Variants in RBFOX1 observed in about 807,000 individuals in gnomAD.
The protein encoded by RBFOX1 is RNA binding protein fox-1 homolog 1.
RBFOX1 carries 8 observed loss-of-function variants against 57.7 expected under a neutral mutation model. The observed-to-expected ratio is 0.14, with a 90% confidence interval of 0.08 to 0.25. The LOEUF (loss-of-function observed/expected upper bound fraction) is 0.25, where lower values mean the gene tolerates loss of function less well. RBFOX1 is among the 10% of genes least tolerant of loss of function. The pLI is 1.00. For synonymous variants in RBFOX1, 326 were observed against 222.4 expected (o/e 1.47, Z -4.15); for missense variants, 611 against 548.5 (o/e 1.11, Z -1.14).
At chr16:6,346,919 A>T (rs942561187) in intron 2 of RBFOX1, among the ~76,000 whole-genome samples, 2 of 152,136 alleles carry the variant, frequency 1.3e-5, no homozygotes, top group African/African-American at 4.8e-5. Context: ...GTGGTGTTCC[A>T]GGAGGATGGG....
At chr16:6,172,437 G>C (rs1350505865) in intron 1 of RBFOX1, among the ~76,000 whole-genome samples, 1 of 152,136 alleles carries the variant, frequency 6.6e-6, no homozygotes, top group Non-Finnish European at 1.5e-5. Flanking sequence ...GGTGTCTGGA[G>C]AGCAGAACCA....
At chr16:5,720,226 G>A (rs2051878059) in intron 3 of RBFOX1, among the ~76,000 whole-genome samples, 1 of 152,082 alleles carries the variant, frequency 6.6e-6, no homozygotes. Flanking sequence ...GGTCTTTTTT[G>A]GAGACATGCC....
intron 3 of RBFOX1, among the ~76,000 whole-genome samples, chr16:5,728,416 C>T (rs779062054): frequency 6.6e-6 from 1 of 152,144 alleles, no homozygotes; most frequent in Non-Finnish European, 1.5e-5. Flanking sequence ...GAAGCATTTG[C>T]ATATTTGAAG....
intron 4 of RBFOX1, among the ~76,000 whole-genome samples, chr16:7,207,244 C>T (rs542073913): frequency 6.6e-6 from 1 of 152,108 alleles, no homozygotes; most frequent in African/African-American, 2.4e-5. Flanking sequence ...ATTGGCCGGG[C>T]GTTATGGGGG....
At chr16:6,815,831 C>G (rs2089947388) in intron 3 of RBFOX1, among the ~76,000 whole-genome samples, 1 of 152,180 alleles carries the variant, frequency 6.6e-6, no homozygotes, top group Non-Finnish European at 1.5e-5. Context: ...AGAGGAAAAG[C>G]TTAATTCTCA....
chr16:7,529,693 T>C (rs1369272994), intron 5 of RBFOX1, among the ~76,000 whole-genome samples: 1 of 152,166 alleles, frequency 6.6e-6, no homozygotes, highest in Non-Finnish European at 1.5e-5. Flanking sequence ...TTACAACTTC[T>C]GACTTAATCT....
intron 2 of RBFOX1, among the ~76,000 whole-genome samples, chr16:5,577,381 C>T (rs1469213037): frequency 6.6e-6 from 1 of 152,116 alleles, no homozygotes; most frequent in Non-Finnish European, 1.5e-5. Flanking sequence ...CTCACCTCCT[C>T]ACCTCAACAT....
chr16:7,701,989 G>A (rs1326467635), intron 14 of RBFOX1, among the ~76,000 whole-genome samples: 3 of 152,166 alleles, frequency 2.0e-5, no homozygotes, highest in Non-Finnish European at 4.4e-5. Flanking sequence ...GGGCAGAGGT[G>A]GGGTGGTTGG....
At chr16:6,814,417 C>G (rs948310569) in intron 3 of RBFOX1, among the ~76,000 whole-genome samples, 4 of 152,132 alleles carry the variant, frequency 2.6e-5, no homozygotes, top group African/African-American at 4.8e-5. Flanking sequence ...CTCTGTGTGT[C>G]AAGCCTGACA....
At chr16:6,679,811 C>T (rs1392751324) in intron 3 of RBFOX1, among the ~76,000 whole-genome samples, 2 of 150,064 alleles carry the variant, frequency 1.3e-5, no homozygotes, top group Admixed American at 6.6e-5. Context: ...AGTATTAATT[C>T]ATCAGAGATG....
intron 4 of RBFOX1, among the ~76,000 whole-genome samples, chr16:7,411,343 C>G (rs2098423015): frequency 1.3e-5 from 2 of 152,140 alleles, no homozygotes; most frequent in East Asian, 1.9e-4. Context: ...AGCCACAATT[C>G]CACATTAGTT....
At chr16:6,782,875 T>TGG (rs2154238153) in intron 3 of RBFOX1, among the ~76,000 whole-genome samples, 1 of 152,332 alleles carries the variant, frequency 6.6e-6, no homozygotes, top group East Asian at 1.9e-4. Context: ...TTTCTCTCTT[T>TGG]ATCTCTAATA....
intron 1 of RBFOX1, among the ~76,000 whole-genome samples, chr16:6,215,065 G>A (rs532161976): frequency 3.7e-5 from 5 of 135,122 alleles, no homozygotes; most frequent in African/African-American, 1.4e-4. Context: ...GAGGGAGAGG[G>A]ACGGGGAGAT....
In RBFOX1 at chr16:6,486,912, C is replaced by T. The variant is rs920295988; in HGVS notation, c.-63-167691C>T. On this transcript the variant is annotated intron_variant, in intron 2 of 15. Transcript: ENST00000550418. ...ATTAAATCATAGATAATCAGAATAG[C>T]AGTCTCAAGGATTTAGGATCCCTGC... Among the ~76,000 whole-genome samples, 80 of 152,128 alleles carry T rather than the reference C, an allele frequency of 5.3e-4. 1 individual carries two copies. Among genetic ancestry groups the T allele is most frequent in the African/African-American group, 1.9e-3 (77 of 41,506 alleles).
chr16:7,319,247 C>T (rs1293310334), intron 4 of RBFOX1, among the ~76,000 whole-genome samples: 1 of 152,060 alleles, frequency 6.6e-6, no homozygotes, highest in African/African-American at 2.4e-5. Context: ...TGTGAATTTC[C>T]ACGTTGAGCT....
At chr16:6,681,687 A>T (rs966600392) in intron 3 of RBFOX1, among the ~76,000 whole-genome samples, 1 of 145,258 alleles carries the variant, frequency 6.9e-6, no homozygotes, top group African/African-American at 2.6e-5. Flanking sequence ...AAAAAAAAAA[A>T]TCTTTCTCCA....
chr16:5,594,105 A>T (rs1022907969), intron 2 of RBFOX1, among the ~76,000 whole-genome samples: 1 of 152,068 alleles, frequency 6.6e-6, no homozygotes, highest in African/African-American at 2.4e-5. Flanking sequence ...TTGGGAACTC[A>T]TCATGCACCC....
chr16:6,096,749 A>G (rs2096249429), intron 1 of RBFOX1, among the ~76,000 whole-genome samples: 1 of 152,244 alleles, frequency 6.6e-6, no homozygotes, highest in South Asian at 2.1e-4. Context: ...GATTAGAGCT[A>G]TAAAAATACT....
intron 4 of RBFOX1, among the ~76,000 whole-genome samples, chr16:5,962,031 A>G (rs2059760053): frequency 6.6e-6 from 1 of 152,196 alleles, no homozygotes; most frequent in South Asian, 2.1e-4. Context: ...TTATGCATCC[A>G]TGGCTCCTGT....
Sources: gnomAD v4.1 joint callset for allele counts (sites outside exome capture counted in the v4.1 genomes callset) on GRCh38, gnomAD v4.1.1 for gene constraint, MANE v1.5 for transcripts, NCBI Gene and HGNC (gene_info 2026-07-23, HGNC 2026-07-21) for gene names.